Variants in DPYD observed in about 807,000 individuals in gnomAD.
The protein encoded by DPYD is dihydropyrimidine dehydrogenase [NADP(+)].
In DPYD, 109 loss-of-function variants were observed where a neutral mutation model predicts 116.2. That is an observed-to-expected ratio of 0.94 (90% CI 0.80 to 1.10). The LOEUF (loss-of-function observed/expected upper bound fraction) is 1.10, where lower values mean the gene tolerates loss of function less well. Among genes scored for constraint, DPYD ranks in the 50% least tolerant of loss-of-function variants. The pLI is 0.00. For synonymous variants in DPYD, 440 were observed against 432.0 expected (o/e 1.02, Z -0.23); for missense variants, 1,302 against 1,254.5 (o/e 1.04, Z -0.57).
chr1:97,472,652 G>A (rs1032769752), intron 13 of DPYD, among the ~76,000 whole-genome samples: 8 of 152,152 alleles, frequency 5.3e-5, no homozygotes, highest in Non-Finnish European at 1.2e-4. Context: ...CTGATACTTT[G>A]TATTTGTGTG....
intron 19 of DPYD, among the ~76,000 whole-genome samples, chr1:97,208,035 CA>C (rs937431207): frequency 4.7e-4 from 71 of 152,228 alleles, no homozygotes; most frequent in African/African-American, 1.4e-3. Context: ...CCTGCAAAAC[CA>C]CTGCACATGC....
chr1:97,569,019 T>C (rs1337427485), intron 11 of DPYD, among the ~76,000 whole-genome samples: 1 of 152,102 alleles, frequency 6.6e-6, no homozygotes, highest in Non-Finnish European at 1.5e-5. Flanking sequence ...AGGCACAGAA[T>C]CACAGAATGA....
intron 20 of DPYD, among the ~76,000 whole-genome samples, chr1:97,119,597 A>G (rs1296189683): frequency 6.6e-6 from 1 of 152,118 alleles, no homozygotes; most frequent in Non-Finnish European, 1.5e-5. Context: ...ATGAATGTGC[A>G]ACTGCTGTGA....
intron 12 of DPYD, chr1:97,546,165 C>T: frequency 7.0e-7 from 1 of 1,435,620 alleles, no homozygotes; most frequent in Non-Finnish European, 9.8e-7. Context: ...AGAGGAACAG[C>T]CAGCAGAAGA....
chr1:97,538,008 A>C (rs917012369), intron 12 of DPYD, among the ~76,000 whole-genome samples: 1 of 151,782 alleles, frequency 6.6e-6, no homozygotes, highest in Admixed American at 6.6e-5. Context: ...CGGAGGTTGC[A>C]GTGAGCCAAG....
chr1:97,479,823 T>C (rs914446688), intron 13 of DPYD, among the ~76,000 whole-genome samples: 1 of 152,216 alleles, frequency 6.6e-6, no homozygotes, highest in Non-Finnish European at 1.5e-5. Context: ...TTACTTTTCA[T>C]TGCCTATCCA....
intron 1 of DPYD, among the ~76,000 whole-genome samples, chr1:97,917,282 T>A (rs1393282068): frequency 3.3e-5 from 5 of 152,162 alleles, no homozygotes; most frequent in African/African-American, 1.2e-4. Context: ...CTTTTTTGGA[T>A]CCATGATTCT....
At chr1:97,427,660 C>T (rs1674947730) in intron 14 of DPYD, among the ~76,000 whole-genome samples, 1 of 150,916 alleles carries the variant, frequency 6.6e-6, no homozygotes, top group South Asian at 2.1e-4. Flanking sequence ...GTTAACCTCA[C>T]AGAACAAGAT....
chr1:97,344,701 T>C (rs1433603705), intron 16 of DPYD, among the ~76,000 whole-genome samples: 1 of 151,832 alleles, frequency 6.6e-6, no homozygotes, highest in African/African-American at 2.4e-5. Flanking sequence ...AGTGACAGAG[T>C]ATCCCATTGT....
At chr1:97,618,262 C>A (rs1656411364) in intron 8 of DPYD, among the ~76,000 whole-genome samples, 1 of 150,820 alleles carries the variant, frequency 6.6e-6, no homozygotes. Context: ...TTTAAGAAAA[C>A]AAAAATAAAT....
At chr1:97,184,456 A>G (rs1657861041) in intron 20 of DPYD, among the ~76,000 whole-genome samples, 1 of 152,114 alleles carries the variant, frequency 6.6e-6, no homozygotes, top group African/African-American at 2.4e-5. Flanking sequence ...ATTAATAACC[A>G]TTCTGATTGG....
At chr1:97,306,934 C>T (rs1208664504) in intron 16 of DPYD, among the ~76,000 whole-genome samples, 1 of 151,852 alleles carries the variant, frequency 6.6e-6, no homozygotes, top group Non-Finnish European at 1.5e-5. Flanking sequence ...ACAAACTTGA[C>T]AGAATTGATC....
intron 20 of DPYD, among the ~76,000 whole-genome samples, chr1:97,122,899 C>G (rs1234835085): frequency 2.0e-5 from 3 of 151,996 alleles, no homozygotes; most frequent in Non-Finnish European, 4.4e-5. Flanking sequence ...ATGATCATTT[C>G]TTGACTCTTT....
intron 20 of DPYD, among the ~76,000 whole-genome samples, chr1:97,130,659 T>C (rs1653208572): frequency 6.6e-6 from 1 of 151,984 alleles, no homozygotes; most frequent in South Asian, 2.1e-4. Context: ...CTCTCCTCTA[T>C]CCTTTTCTTT....
intron 8 of DPYD, among the ~76,000 whole-genome samples, chr1:97,601,060 A>T (rs927930309): frequency 2.6e-5 from 4 of 152,124 alleles, no homozygotes; most frequent in African/African-American, 9.7e-5. Flanking sequence ...CATTAAGAAC[A>T]AAATCATGTC....
chr1:97,248,995 C>T (rs1311016660), intron 18 of DPYD, among the ~76,000 whole-genome samples: 2 of 152,060 alleles, frequency 1.3e-5, no homozygotes, highest in Non-Finnish European at 2.9e-5. Flanking sequence ...GACTTGTTGA[C>T]TCAATACTGT....
At chr1:97,569,059 A>C (rs2102164782) in intron 11 of DPYD, among the ~76,000 whole-genome samples, 1 of 152,242 alleles carries the variant, frequency 6.6e-6, no homozygotes, top group African/African-American at 2.4e-5. Flanking sequence ...GTTGTCTGAA[A>C]GCATATTCAA....
chr1:97,574,637 TTC>T (rs1187014813), intron 10 of DPYD, among the ~76,000 whole-genome samples: 1 of 152,174 alleles, frequency 6.6e-6, no homozygotes. Context: ...ATACCTCGGT[TTC>T]TGTTTGTTTT....
intron 8 of DPYD, among the ~76,000 whole-genome samples, chr1:97,616,705 GAAGA>G (rs1184761770): frequency 1.3e-5 from 2 of 152,034 alleles, no homozygotes; most frequent in Non-Finnish European, 2.9e-5. Flanking sequence ...ATACAAAAAA[GAAGA>G]AATATATATC....
Sources: gnomAD v4.1 joint callset for allele counts (sites outside exome capture counted in the v4.1 genomes callset) on GRCh38, gnomAD v4.1.1 for gene constraint, MANE v1.5 for transcripts, NCBI Gene and HGNC (gene_info 2026-07-23, HGNC 2026-07-21) for gene names.